The following PSD3 variants were observed in gnomAD, a reference collection of about 807,000 sequenced individuals.
PSD3 encodes the protein PH and SEC7 domain-containing protein 3.
In PSD3, 49 loss-of-function variants were observed where a neutral mutation model predicts 105.5. That is an observed-to-expected ratio of 0.46 (90% CI 0.37 to 0.59). The LOEUF (loss-of-function observed/expected upper bound fraction) is 0.59, where lower values mean the gene tolerates loss of function less well. Ranked by LOEUF, PSD3 falls within the 20% of genes least tolerant of loss-of-function variation. The pLI is 0.00. For missense variants in PSD3, 1,561 were observed against 1,263.8 expected (o/e 1.24, Z -3.57); for synonymous variants, 557 against 457.8 (o/e 1.22, Z -2.77).
intron 4 of PSD3, among the ~76,000 whole-genome samples, chr8:18,838,279 C>T (rs532597439): frequency 2.0e-5 from 3 of 152,122 alleles, no homozygotes; most frequent in South Asian, 2.1e-4. Context: ...ACATTAAGTA[C>T]GAAAAATTAC....
intron 1 of PSD3, among the ~76,000 whole-genome samples, chr8:19,080,870 A>C (rs190322821): frequency 6.6e-6 from 1 of 152,202 alleles, no homozygotes. Context: ...TATATACCAA[A>C]AGTCACTGCC....
At chr8:18,815,595 G>T (rs1812149966) in intron 4 of PSD3, among the ~76,000 whole-genome samples, 1 of 152,124 alleles carries the variant, frequency 6.6e-6, no homozygotes, top group African/African-American at 2.4e-5. Context: ...ATGAGAGGGA[G>T]CCACTGCGTC....
At chr8:18,771,052 T>G (rs1250054352) in intron 8 of PSD3, among the ~76,000 whole-genome samples, 4 of 152,244 alleles carry the variant, frequency 2.6e-5, no homozygotes, top group Non-Finnish European at 5.9e-5. Context: ...GCTGTCAGAC[T>G]GTCCCTCTGA....
intron 9 of PSD3, among the ~76,000 whole-genome samples, chr8:18,682,348 T>C (rs1585606046): frequency 6.6e-6 from 1 of 152,372 alleles, no homozygotes; most frequent in East Asian, 1.9e-4. Context: ...GCCAATTTTA[T>C]AGCCATGTTG....
intron 8 of PSD3, among the ~76,000 whole-genome samples, chr8:18,779,027 G>C (rs1808356286): frequency 1.3e-5 from 2 of 152,058 alleles, no homozygotes; most frequent in African/African-American, 4.8e-5. Flanking sequence ...GAGGAGAACT[G>C]ATGTTAGATC....
intron 9 of PSD3, among the ~76,000 whole-genome samples, chr8:18,743,382 G>A (rs1341265639): frequency 6.6e-6 from 1 of 152,194 alleles, no homozygotes; most frequent in African/African-American, 2.4e-5. Flanking sequence ...TGGGAAAACA[G>A]AGATGAACTT....
chr8:18,746,840 T>G (rs930136051), intron 9 of PSD3, among the ~76,000 whole-genome samples: 1 of 152,256 alleles, frequency 6.6e-6, no homozygotes. Context: ...TTGGTCTTAA[T>G]TATTAATTTG....
intron 10 of PSD3, among the ~76,000 whole-genome samples, chr8:18,644,814 T>A (rs1237749226): frequency 6.6e-6 from 1 of 152,220 alleles, no homozygotes; most frequent in African/African-American, 2.4e-5. Context: ...TAGTCTGTTT[T>A]GGGTTGCTGT....
intron 4 of PSD3, among the ~76,000 whole-genome samples, chr8:18,867,306 G>A (rs1419735701): frequency 6.6e-6 from 1 of 152,198 alleles, no homozygotes; most frequent in African/African-American, 2.4e-5. Context: ...TCTTCTTGAA[G>A]TCTTCAACCA....
chr8:19,047,241 C>T (rs545176608), intron 1 of PSD3, among the ~76,000 whole-genome samples: 2 of 152,292 alleles, frequency 1.3e-5, no homozygotes, highest in Admixed American at 6.5e-5. Flanking sequence ...GGAGGTCCCT[C>T]TCTAACTCTG....
At chr8:18,567,909 G>A (rs901384475) in intron 14 of PSD3, among the ~76,000 whole-genome samples, 1 of 152,220 alleles carries the variant, frequency 6.6e-6, no homozygotes, top group Non-Finnish European at 1.5e-5. Flanking sequence ...TTTGCGTTAT[G>A]GGGGTAGATC....
At chr8:18,833,210 T>A (rs1264235351) in intron 4 of PSD3, among the ~76,000 whole-genome samples, 1 of 152,104 alleles carries the variant, frequency 6.6e-6, no homozygotes, top group Non-Finnish European at 1.5e-5. Flanking sequence ...CCAGGCAAGA[T>A]AACAAGACAT....
chr8:18,655,621 G>T, intron 10 of PSD3, 21 bp downstream of exon 10: 1 of 1,611,230 alleles, frequency 6.2e-7, no homozygotes, highest in Non-Finnish European at 8.5e-7. Flanking sequence ...TTATTAAAAG[G>T]CTGACGTCCA....
At chr8:18,963,704 A>G (rs1824070050) in intron 1 of PSD3, among the ~76,000 whole-genome samples, 1 of 152,220 alleles carries the variant, frequency 6.6e-6, no homozygotes, top group African/African-American at 2.4e-5. Context: ...GCAATGTTTC[A>G]GGTATAAATA....
chr8:18,656,458 T>C (rs995222869), intron 9 of PSD3, among the ~76,000 whole-genome samples: 9 of 125,500 alleles, frequency 7.2e-5, no homozygotes, highest in African/African-American at 2.0e-4. Context: ...TGGAAAAGCA[T>C]CTTAGGATAG....
intron 1 of PSD3, among the ~76,000 whole-genome samples, chr8:19,076,945 A>G (rs1181293184): frequency 6.6e-6 from 1 of 152,184 alleles, no homozygotes; most frequent in African/African-American, 2.4e-5. Context: ...TTGCTTTTCT[A>G]ATCTCAACCT....
chr8:18,727,551 A>AACACATAC (rs1554482120), intron 9 of PSD3, among the ~76,000 whole-genome samples: 2 of 137,628 alleles, frequency 1.5e-5, no homozygotes, highest in African/African-American at 5.5e-5. Flanking sequence ...AAAAAATCCA[A>AACACATAC]ACACACACAC....
intron 9 of PSD3, among the ~76,000 whole-genome samples, chr8:18,685,468 T>C (rs62495777): frequency 0.15 from 22,861 of 151,900 alleles, 3,530 homozygotes; most frequent in African/African-American, 0.38. Flanking sequence ...AGTGCTTCTA[T>C]TGTGCTATAA....
upstream of PSD3, chr8:19,014,138 C>G (rs1444193171): frequency 2.6e-5 from 4 of 152,386 alleles, no homozygotes; most frequent in African/African-American, 7.2e-5. The surrounding 1 kb of genome is among the most constrained non-coding windows in gnomAD (Gnocchi z 4.9). Flanking sequence ...GGTGTTTCCT[C>G]TCAGGAAGGG....
Sources: allele counts gnomAD v4.1 joint callset (sites outside exome capture counted in the v4.1 genomes callset), GRCh38; gene constraint gnomAD v4.1.1; non-coding constraint Gnocchi (gnomAD v3.1); transcripts MANE v1.5; gene names NCBI Gene and HGNC (gene_info 2026-07-23, HGNC 2026-07-21).